The following WWOX variants were observed in gnomAD, a reference collection of about 807,000 sequenced individuals.
WWOX encodes WW domain containing oxidoreductase.
A neutral mutation model predicts 46.2 loss-of-function variants in WWOX; 69 were observed. That is an observed-to-expected ratio of 1.49 (90% CI 1.23 to 1.82). The LOEUF (loss-of-function observed/expected upper bound fraction) is 1.82, where lower values mean the gene tolerates loss of function less well. WWOX is among the 40% of genes most tolerant of loss of function. The probability of loss-of-function intolerance (pLI) is 0.00; values close to 1 mark genes in which losing one functional copy is unlikely to be tolerated. For missense variants in WWOX, 919 were observed against 542.6 expected (o/e 1.69, Z -6.89); for synonymous variants, 359 against 202.6 (o/e 1.77, Z -6.56).
chr16:79,175,087 C>G (rs1208967424), intron 8 of WWOX, among the ~76,000 whole-genome samples: 1 of 152,188 alleles, frequency 6.6e-6, no homozygotes, highest in African/African-American at 2.4e-5. Context: ...CTGTGCAGAT[C>G]ACTTCTCTAG....
chr16:79,077,933 C>G (rs978418454), intron 8 of WWOX: 3 of 152,068 alleles, frequency 2.0e-5, no homozygotes, highest in African/African-American at 7.2e-5. Context: ...TTTTTGGCAC[C>G]CATCCCTGAC....
At chr16:78,743,847 A>G (rs184915123) in intron 8 of WWOX, among the ~76,000 whole-genome samples, 29 of 152,326 alleles carry the variant, frequency 1.9e-4, no homozygotes, top group South Asian at 6.2e-4. Context: ...GTGTACACCA[A>G]GTGGCCAATG....
At chr16:78,684,855 A>G (rs184604297) in intron 8 of WWOX, among the ~76,000 whole-genome samples, 13 of 152,298 alleles carry the variant, frequency 8.5e-5, no homozygotes, top group Admixed American at 8.5e-4. Flanking sequence ...CAGGAAATAC[A>G]CTTGTAATTC....
intron 8 of WWOX, among the ~76,000 whole-genome samples, chr16:78,716,834 C>CACAACCACA (rs1567511741): frequency 5.3e-5 from 8 of 152,166 alleles, no homozygotes; most frequent in African/African-American, 1.9e-4. Context: ...ACCCTCCCTA[C>CACAACCACA]GCAACCACAG....
intron 8 of WWOX, among the ~76,000 whole-genome samples, chr16:79,025,520 A>G (rs531086506): frequency 1.6e-4 from 24 of 152,154 alleles, no homozygotes; most frequent in Admixed American, 1.2e-3. Flanking sequence ...TGATTCCCCC[A>G]CAAGCCAGGG....
intron 8 of WWOX, among the ~76,000 whole-genome samples, chr16:79,018,290 T>C (rs1004034995): frequency 1.3e-5 from 2 of 152,244 alleles, no homozygotes; most frequent in African/African-American, 2.4e-5. Context: ...TGTAATGGTG[T>C]AAATTATATC....
chr16:78,814,979 A>T (rs952238080), intron 8 of WWOX, among the ~76,000 whole-genome samples: 14 of 151,970 alleles, frequency 9.2e-5, no homozygotes, highest in Non-Finnish European at 1.5e-4. Context: ...TAGCAATTTA[A>T]TTTTCAGGCT....
At chr16:79,098,122 A>T (rs375430789) in intron 8 of WWOX, among the ~76,000 whole-genome samples, 31 of 152,336 alleles carry the variant, frequency 2.0e-4, no homozygotes, top group African/African-American at 7.2e-4. Context: ...TCTTTAGTCC[A>T]GCAAATTTCA....
At chr16:78,713,200 A>G (rs1044736661) in intron 8 of WWOX, among the ~76,000 whole-genome samples, 2 of 137,602 alleles carry the variant, frequency 1.5e-5, no homozygotes, top group Non-Finnish European at 3.1e-5. Flanking sequence ...TGAGCCTGGT[A>G]GAGGTGGAGG....
intron 8 of WWOX, among the ~76,000 whole-genome samples, chr16:78,788,866 C>G (rs1461407767): frequency 6.6e-6 from 1 of 152,184 alleles, no homozygotes; most frequent in Non-Finnish European, 1.5e-5. Context: ...TCCACGTAGA[C>G]AGTGTCAGGA....
intron 5 of WWOX, among the ~76,000 whole-genome samples, chr16:78,304,487 T>G (rs1285844513): frequency 1.3e-5 from 2 of 152,166 alleles, no homozygotes; most frequent in South Asian, 2.1e-4. Flanking sequence ...AGCACACCCA[T>G]AGTGCTAGGG....
At chr16:78,879,620 G>A (rs933762839) in intron 8 of WWOX, among the ~76,000 whole-genome samples, 1 of 152,196 alleles carries the variant, frequency 6.6e-6, no homozygotes, top group Non-Finnish European at 1.5e-5. Flanking sequence ...GTTCACGCCT[G>A]TAATCCCAGC....
At chr16:78,570,351 G>T (rs2044684122) in intron 8 of WWOX, among the ~76,000 whole-genome samples, 1 of 152,174 alleles carries the variant, frequency 6.6e-6, no homozygotes, top group Non-Finnish European at 1.5e-5. Flanking sequence ...CTTTGAGACA[G>T]GATCTGGAGT....
chr16:78,575,049 ATATATATATATATATATATATATATATAT>A (rs1567655105), intron 8 of WWOX, among the ~76,000 whole-genome samples: 1 of 11,088 alleles, frequency 9.0e-5, no homozygotes, highest in African/African-American at 2.7e-4. Flanking sequence ...ATATATATAT[ATATATATATATATATATATATATATATAT>A]ATATATATAT....
intron 8 of WWOX, among the ~76,000 whole-genome samples, chr16:79,169,521 G>C (rs559163129): frequency 3.7e-4 from 56 of 152,298 alleles, no homozygotes; most frequent in Admixed American, 3.1e-3. Context: ...GCCACCTCCT[G>C]GCTGTCCTTT....
chr16:78,833,195 C>T (rs2051879843), intron 8 of WWOX, among the ~76,000 whole-genome samples: 2 of 152,150 alleles, frequency 1.3e-5, no homozygotes, highest in South Asian at 4.1e-4. Flanking sequence ...GCATGCACTC[C>T]TGTGCTTGGT....
At chr16:79,120,268 G>A (rs2150674114) in intron 8 of WWOX, among the ~76,000 whole-genome samples, 1 of 152,250 alleles carries the variant, frequency 6.6e-6, no homozygotes, top group South Asian at 2.1e-4. Flanking sequence ...CAGACATTCA[G>A]GTACATATAC....
intron 8 of WWOX, among the ~76,000 whole-genome samples, chr16:78,763,971 A>G (rs2049862274): frequency 6.6e-6 from 1 of 152,034 alleles, no homozygotes; most frequent in Admixed American, 6.6e-5. Context: ...TCTGCCCCAC[A>G]TCTATTGTGG....
intron 8 of WWOX, among the ~76,000 whole-genome samples, chr16:78,995,549 T>C (rs954879305): frequency 1.3e-5 from 2 of 151,900 alleles, no homozygotes; most frequent in Non-Finnish European, 2.9e-5. Flanking sequence ...ATAAATATGG[T>C]TGCCACTGTC....
Sources: gnomAD v4.1 joint callset for allele counts (sites outside exome capture counted in the v4.1 genomes callset) on GRCh38, gnomAD v4.1.1 for gene constraint, MANE v1.5 for transcripts, NCBI Gene and HGNC (gene_info 2026-07-23, HGNC 2026-07-21) for gene names.